The following SDCCAG8 variants were observed in gnomAD, a reference collection of about 807,000 sequenced individuals.
SDCCAG8 encodes the protein serologically defined colon cancer antigen 8.
SDCCAG8 carries 74 observed loss-of-function variants against 101.8 expected under a neutral mutation model. That is an observed-to-expected ratio of 0.73 (90% confidence interval 0.60 to 0.88). The LOEUF (loss-of-function observed/expected upper bound fraction) is 0.88. Among genes scored for constraint, SDCCAG8 ranks in the 40% least tolerant of loss-of-function variants. The pLI, the probability that SDCCAG8 is intolerant of heterozygous loss-of-function variation, is 0.00. For synonymous variants in SDCCAG8, 281 were observed against 292.9 expected (o/e 0.96, Z 0.41); for missense variants, 787 against 822.6 (o/e 0.96, Z 0.53).
intron 4 of SDCCAG8, among the ~76,000 whole-genome samples, chr1:243,284,796 T>G (rs1024573791): frequency 6.6e-6 from 1 of 152,232 alleles, no homozygotes; most frequent in Admixed American, 6.5e-5. Context: ...TAAGGGGATT[T>G]TTTTCTAGTT....
At chr1:243,490,669 G>A (rs1298450561) in intron 17 of SDCCAG8, among the ~76,000 whole-genome samples, 4 of 152,328 alleles carry the variant, frequency 2.6e-5, no homozygotes, top group Admixed American at 6.5e-5. Context: ...GATGCCCCAC[G>A]GGCCCTTGGG....
At chr1:243,336,228 C>T (rs2074999902) in intron 10 of SDCCAG8, among the ~76,000 whole-genome samples, 10 of 152,174 alleles carry the variant, frequency 6.6e-5, no homozygotes, top group Admixed American at 6.5e-4. Context: ...TCCACTGTGG[C>T]TGAACTAATG....
intron 8 of SDCCAG8, among the ~76,000 whole-genome samples, chr1:243,311,890 G>C (rs2072762559): frequency 6.6e-6 from 1 of 152,172 alleles, no homozygotes; most frequent in African/African-American, 2.4e-5. Flanking sequence ...AAGCCTGGCA[G>C]TCATTCAGAA....
At chr1:243,441,112 A>G (rs1197730730) in intron 16 of SDCCAG8, among the ~76,000 whole-genome samples, 1 of 152,252 alleles carries the variant, frequency 6.6e-6, no homozygotes, top group Non-Finnish European at 1.5e-5. Flanking sequence ...TTTTGTATGA[A>G]TATAGAAAAA....
intron 12 of SDCCAG8, among the ~76,000 whole-genome samples, chr1:243,347,730 G>T (rs528708358): frequency 6.6e-6 from 1 of 152,282 alleles, no homozygotes; most frequent in South Asian, 2.1e-4. Flanking sequence ...TTAAGATTTG[G>T]ACATGTTGCA....
intron 16 of SDCCAG8, 66 bp from the exon 17 acceptor site, chr1:243,488,948 C>T: frequency 6.2e-7 from 1 of 1,610,562 alleles, no homozygotes; most frequent in Non-Finnish European, 8.5e-7. Context: ...CAGATACACA[C>T]AGCCCCTGGG....
chr1:243,259,644 A>G (rs2067044899), intron 1 of SDCCAG8, among the ~76,000 whole-genome samples: 1 of 150,528 alleles, frequency 6.6e-6, no homozygotes, highest in Admixed American at 6.7e-5. Flanking sequence ...ATATGGAGAA[A>G]CCCTGTCTCT....
rs950506966 is a variant in SDCCAG8 at position 243,318,513 on chromosome 1, TA to T, written c.1068+1629del. 182 of 969,254 alleles carry T rather than the reference TA, an allele frequency of 1.9e-4. No individual in the cohort carries two copies. In the South Asian group the frequency reaches 3.1e-3, roughly 16 times the overall value. The allele number at this position is 969,254 out of a possible 1,614,324, so 60.0% of individuals were successfully genotyped here. ...GTACCCCCGAACCTAAAATAAAAGT[TA>T]AAAAAAAATTAGGGCTATTCAATTC... On this transcript the variant is annotated intron_variant, in intron 9 of 17. Coordinates refer to ENST00000366541, the MANE Select transcript of SDCCAG8 (RefSeq NM_006642.5).
intron 17 of SDCCAG8, among the ~76,000 whole-genome samples, chr1:243,492,034 G>A (rs1004381189): frequency 2.0e-5 from 3 of 152,132 alleles, no homozygotes; most frequent in Admixed American, 1.3e-4. Flanking sequence ...GAGCCCCGCT[G>A]CCCCTGGTGG....
Position 243,318,682 on chromosome 1 carries a change from C to A in SDCCAG8, c.1068+1789C>A, listed in dbSNP as rs564703387. Among the ~76,000 whole-genome samples, 115 of 152,268 alleles carry A rather than the reference C, an allele frequency of 7.6e-4. 1 individual carries two copies. Among genetic ancestry groups the A allele is most frequent in the Middle Eastern group, 6.8e-3 (2 of 294 alleles). ...CCCCAACATACTGTTTCCTCAGACT[C>A]TCCTGTTTCTTCATTTGTTGTGAGC... On this transcript the variant is annotated intron_variant, in intron 9 of 17. Transcript: ENST00000366541.
chr1:243,490,930 C>G (rs948900733), intron 17 of SDCCAG8, among the ~76,000 whole-genome samples: 2 of 152,242 alleles, frequency 1.3e-5, no homozygotes, highest in Non-Finnish European at 1.5e-5. Flanking sequence ...AGATCAGGAC[C>G]ACTGGAGCCA....
At chr1:243,264,947 G>A (rs535397561) in intron 1 of SDCCAG8, among the ~76,000 whole-genome samples, 1 of 152,276 alleles carries the variant, frequency 6.6e-6, no homozygotes, top group East Asian at 1.9e-4. Context: ...ATAAAGCTGT[G>A]TCCCATTAGC....
chr1:243,274,038 A>T (rs1485010183), intron 3 of SDCCAG8, among the ~76,000 whole-genome samples: 2 of 152,188 alleles, frequency 1.3e-5, no homozygotes, highest in South Asian at 2.1e-4. Flanking sequence ...TAATTTATTT[A>T]AAAAAGAGGT....
intron 13 of SDCCAG8, among the ~76,000 whole-genome samples, chr1:243,404,123 G>C (rs2079590869): frequency 6.6e-6 from 1 of 152,200 alleles, no homozygotes; most frequent in African/African-American, 2.4e-5. Context: ...CATGCGAAGG[G>C]ATAAAGGCTG....
chr1:243,474,100 A>G lies in SDCCAG8; in HGVS notation c.1986-14914A>G, dbSNP rs1661843768. Among the ~76,000 whole-genome samples the G allele has an allele frequency of 6.6e-6, 1 of 152,074 alleles. No homozygotes were observed. The highest frequency in any genetic ancestry group is 2.4e-5 in the African/African-American group (1 of 41,398). ...CTGTTTATTAAAATTTGAGTCCTTCATGATCACTGACAAACAATGATTCAT... is the reference window on the plus strand; with the variant it reads ...CTGTTTATTAAAATTTGAGTCCTTCGTGATCACTGACAAACAATGATTCAT... On this transcript the variant is annotated intron_variant, in intron 16 of 17. Transcript: ENST00000366541. The surrounding 1 kb of genome is among the most constrained non-coding windows in gnomAD (Gnocchi z 4.7).
At chr1:243,317,909 C>A in intron 9 of SDCCAG8, 1 of 357,898 alleles carries the variant, frequency 2.8e-6, no homozygotes, top group South Asian at 2.1e-5. Flanking sequence ...TGTTGGATAG[C>A]ACTGGTCTAA....
intron 1 of SDCCAG8, among the ~76,000 whole-genome samples, chr1:243,259,361 C>T (rs530959699): frequency 5.3e-5 from 8 of 151,632 alleles, no homozygotes; most frequent in South Asian, 2.1e-4. Flanking sequence ...GAGCCGAGAT[C>T]GCGCCACTGC....
At chr1:243,495,137 G>T (rs1456158447) in intron 17 of SDCCAG8, among the ~76,000 whole-genome samples, 1 of 152,224 alleles carries the variant, frequency 6.6e-6, no homozygotes, top group Non-Finnish European at 1.5e-5. Flanking sequence ...CCCACGGTTG[G>T]GAAGGAACCC....
chr1:243,425,678 T>C (rs1271171271), intron 15 of SDCCAG8, among the ~76,000 whole-genome samples: 2 of 152,196 alleles, frequency 1.3e-5, no homozygotes, highest in Admixed American at 6.5e-5. Flanking sequence ...GTTTACTTAA[T>C]ACAAGGAAAG....
Sources: gnomAD v4.1 joint callset for allele counts (sites outside exome capture counted in the v4.1 genomes callset) on GRCh38, gnomAD v4.1.1 for gene constraint, Gnocchi (gnomAD v3.1) non-coding constraint, MANE v1.5 for transcripts, NCBI Gene and HGNC (gene_info 2026-07-23, HGNC 2026-07-21) for gene names.